The following CENPP variants were observed in gnomAD, a reference collection of about 807,000 sequenced individuals.
CENPP encodes the protein centromere protein P.
A neutral mutation model predicts 35.6 loss-of-function variants in CENPP; 24 were observed. The observed-to-expected ratio is 0.67, with a 90% CI of 0.49 to 0.95. The LOEUF (loss-of-function observed/expected upper bound fraction) is 0.95. Ranked by LOEUF, CENPP falls within the 40% of genes least tolerant of loss-of-function variation. CENPP has a pLI of 0.00. For synonymous variants in CENPP, 120 were observed against 125.5 expected, an observed-to-expected ratio of 0.96 and a Z score of 0.29; for missense variants, 332 against 345.3, an observed-to-expected ratio of 0.96 and a Z score of 0.31.
At chr9:92,334,466 C>A (rs915979130) in intron 2 of CENPP, among the ~76,000 whole-genome samples, 1 of 152,106 alleles carries the variant, frequency 6.6e-6, no homozygotes, top group Non-Finnish European at 1.5e-5. Context: ...TTTTGATTAG[C>A]TTTAAATGTA....
intron 5 of CENPP, among the ~76,000 whole-genome samples, chr9:92,601,789 G>A (rs899624983): frequency 3.3e-5 from 5 of 152,186 alleles, no homozygotes; most frequent in African/African-American, 7.2e-5. Context: ...ACAGCAAAGC[G>A]ACTGACAGAT....
chr9:92,532,949 C>T (rs1480560611), intron 5 of CENPP, among the ~76,000 whole-genome samples: 1 of 151,962 alleles, frequency 6.6e-6, no homozygotes, highest in East Asian at 1.9e-4. Context: ...AGGTTAAGTA[C>T]ATTATGAATA....
At chr9:92,455,809 C>T (rs554055222) in intron 5 of CENPP, among the ~76,000 whole-genome samples, 2 of 152,194 alleles carry the variant, frequency 1.3e-5, no homozygotes, top group African/African-American at 4.8e-5. Flanking sequence ...CAGTGGCTCA[C>T]GCCTGTAATC....
intron 4 of CENPP, among the ~76,000 whole-genome samples, chr9:92,355,531 GA>G (rs1841567682): frequency 6.6e-6 from 1 of 152,124 alleles, no homozygotes; most frequent in Non-Finnish European, 1.5e-5. Context: ...TTATTTGAGA[GA>G]AAATCAAACC....
chr9:92,532,996 T>C (rs331373), intron 5 of CENPP, among the ~76,000 whole-genome samples: 152,092 of 152,096 alleles, frequency 1, 76,044 homozygotes, highest in Middle Eastern at 1. Context: ...TTCACCATAT[T>C]GAATTAATAA....
In CENPP at chr9:92,618,588, A is replaced by G. The variant is rs1193324945; in HGVS notation, c.*5439A>G. 1 of 456,466 alleles carries G rather than the reference A, an allele frequency of 2.2e-6. No individual in the cohort carries two copies. Among genetic ancestry groups the G allele is most frequent in the African/African-American group, 2.0e-5 (1 of 50,052 alleles). The allele number at this position is 456,466 out of a possible 1,614,324, so 28.3% of individuals were successfully genotyped here. A position where few individuals can be genotyped will look rare whatever the true frequency, so the allele number is the denominator to read the frequency against. On this transcript the variant is annotated 3_prime_UTR_variant, in exon 8 of 8. Coordinates refer to ENST00000375587, the MANE Select transcript of CENPP (RefSeq NM_001012267.3). Reference sequence around the variant, plus strand: ...TTCTCTCATCGAACACCACCAGCTTAATCCAGTTAAGGAATTCCTCATAAC... The same window carrying G: ...TTCTCTCATCGAACACCACCAGCTTGATCCAGTTAAGGAATTCCTCATAAC...
At chr9:92,565,009 T>G (rs950922708) in intron 5 of CENPP, among the ~76,000 whole-genome samples, 1 of 152,128 alleles carries the variant, frequency 6.6e-6, no homozygotes, top group Non-Finnish European at 1.5e-5. Flanking sequence ...AAATTACAAA[T>G]AACCCAAATG....
intron 5 of CENPP, chr9:92,505,826 C>G: frequency 1.5e-6 from 1 of 663,788 alleles, no homozygotes; most frequent in Non-Finnish European, 2.5e-6. Flanking sequence ...TTTGTATCCT[C>G]CTATAAAACC....
At chr9:92,387,053 GAAAAAAAAAAA>G (rs903436031) in intron 5 of CENPP, among the ~76,000 whole-genome samples, 1 of 50,174 alleles carries the variant, frequency 2.0e-5, no homozygotes, top group Non-Finnish European at 3.7e-5. Flanking sequence ...GTCTCAAAAA[GAAAAAAAAAAA>G]AAAAAAAAAA....
chr9:92,503,675 A>G (rs1332187104), intron 5 of CENPP, among the ~76,000 whole-genome samples: 3 of 152,226 alleles, frequency 2.0e-5, no homozygotes, highest in Admixed American at 6.5e-5. Flanking sequence ...AAACTGGCAT[A>G]TATCTTTAGT....
At chr9:92,339,084 A>AG (rs910166728) in intron 3 of CENPP, among the ~76,000 whole-genome samples, 1 of 152,208 alleles carries the variant, frequency 6.6e-6, no homozygotes, top group African/African-American at 2.4e-5. Context: ...TTGGGCCAAC[A>AG]GGGAATGTGT....
Position 92,457,194 on chromosome 9 carries a change from A to G in CENPP, c.564+77335A>G. 4 of 1,478,854 alleles carry G rather than the reference A, an allele frequency of 2.7e-6. No homozygotes were observed. In the Admixed American group the frequency reaches 9.4e-5, roughly 35 times the overall value. The allele number at this position is 1,478,854 out of a possible 1,614,324, so 91.6% of individuals were successfully genotyped here. On this transcript the variant is annotated intron_variant, in intron 5 of 7. Coordinates refer to ENST00000375587, the MANE Select transcript of CENPP (RefSeq NM_001012267.3). ...CACTTGAGAATAGATATTTGCTTGT[A>G]TATATAATACTACCATTATTAATAG... is the stretch of plus-strand genomic sequence containing the variant.
chr9:92,349,376 T>C (rs760255072), intron 4 of CENPP, among the ~76,000 whole-genome samples: 4 of 151,944 alleles, frequency 2.6e-5, no homozygotes, highest in Non-Finnish European at 5.9e-5. Context: ...CAGTTTTTGG[T>C]GAATATAGCA....
intron 5 of CENPP, chr9:92,514,747 G>A: frequency 6.2e-7 from 1 of 1,614,178 alleles, no homozygotes; most frequent in South Asian, 1.1e-5. Flanking sequence ...CAGGCGCAGT[G>A]TGCCTCTGGG....
At chr9:92,600,460 G>A (rs375935600) in intron 5 of CENPP, 38 of 1,612,762 alleles carry the variant, frequency 2.4e-5, no homozygotes, top group Non-Finnish European at 2.5e-5. Flanking sequence ...TGGGTCAAGG[G>A]AGGATGGAGG....
At chr9:92,340,937 C>T (rs561615056) in intron 3 of CENPP, among the ~76,000 whole-genome samples, 25 of 152,098 alleles carry the variant, frequency 1.6e-4, no homozygotes, top group East Asian at 3.9e-4. Flanking sequence ...GTGAGCCGGG[C>T]GGAACAGAGC....
chr9:92,443,668 T>G (rs113923112), intron 5 of CENPP, among the ~76,000 whole-genome samples: 1,615 of 152,212 alleles, frequency 0.011, 32 homozygotes, highest in African/African-American at 0.037. Context: ...GTTTTTTTTT[T>G]TTGTTTTTTG....
intron 1 of CENPP, among the ~76,000 whole-genome samples, chr9:92,330,688 G>GTTTTTTTTTTT (rs11396197): frequency 8.2e-6 from 1 of 121,272 alleles, no homozygotes; most frequent in African/African-American, 3.1e-5. Flanking sequence ...TCTTTTCTTT[G>GTTTTTTTTTTT]TTTTTTTTTT....
chr9:92,413,279 G>T (rs1335555745), intron 5 of CENPP, among the ~76,000 whole-genome samples: 3 of 151,930 alleles, frequency 2.0e-5, no homozygotes, highest in African/African-American at 7.3e-5. Context: ...GAGCTAATGC[G>T]CCCGACTATA....
Sources: allele counts gnomAD v4.1 joint callset (sites outside exome capture counted in the v4.1 genomes callset), GRCh38; gene constraint gnomAD v4.1.1; transcripts MANE v1.5; gene names NCBI Gene and HGNC (gene_info 2026-07-23, HGNC 2026-07-21).